The following NIPBL variants were observed in gnomAD, a reference collection of about 807,000 sequenced individuals.
The protein encoded by NIPBL is NIPBL cohesin loading factor.
NIPBL carries 19 observed loss-of-function variants against 321.8 expected under a neutral mutation model. The observed-to-expected ratio is 0.06, with a 90% CI of 0.04 to 0.09. The LOEUF (loss-of-function observed/expected upper bound fraction) is 0.09, where lower values mean the gene tolerates loss of function less well. Among genes scored for constraint, NIPBL ranks in the 10% least tolerant of loss-of-function variants. NIPBL has a pLI of 1.00. For missense variants in NIPBL, 2,210 were observed against 3,327.0 expected, an observed-to-expected ratio of 0.66 and a Z score of 8.26; for synonymous variants, 1,106 against 1,114.1, an observed-to-expected ratio of 0.99 and a Z score of 0.14.
At chr5:36,977,586 G>GT (rs34041883) in intron 9 of NIPBL, among the ~76,000 whole-genome samples, 21,611 of 148,094 alleles carry the variant, frequency 0.15, 1,727 homozygotes, top group East Asian at 0.28. Flanking sequence ...AGGGAGCTGG[G>GT]TTTTTTTTTC....
intron 27 of NIPBL, among the ~76,000 whole-genome samples, chr5:37,021,779 A>G (rs1749675096): frequency 6.6e-6 from 1 of 152,240 alleles, no homozygotes; most frequent in Non-Finnish European, 1.5e-5. Context: ...CAAGGTTTTA[A>G]TGGGGCTACA....
intron 21 of NIPBL, 152 bp from the exon 22 acceptor site, chr5:37,014,531 C>G: frequency 1.9e-6 from 1 of 539,076 alleles, no homozygotes; most frequent in Non-Finnish European, 3.3e-6. Flanking sequence ...GCTTAGTGTG[C>G]TAATTTTGGC....
intron 1 of NIPBL, among the ~76,000 whole-genome samples, chr5:36,904,401 G>A (rs1428845988): frequency 3.9e-5 from 6 of 152,178 alleles, no homozygotes; most frequent in Non-Finnish European, 7.3e-5. Flanking sequence ...CCCGGGAGGC[G>A]GAGGTTGCAG....
intron 10 of NIPBL, among the ~76,000 whole-genome samples, chr5:36,987,630 A>T (rs1250554379): frequency 6.6e-6 from 1 of 151,522 alleles, no homozygotes; most frequent in African/African-American, 2.4e-5. Flanking sequence ...CTTCGTCAAC[A>T]TTCATTTTTT....
At chr5:37,046,257 A>C in intron 38 of NIPBL, 58 bp downstream of exon 38, 1 of 910,840 alleles carries the variant, frequency 1.1e-6, no homozygotes, top group Non-Finnish European at 1.8e-6. Flanking sequence ...GCATATTTTT[A>C]AATATTGTGA....
chr5:37,021,772 G>A (rs1220245996), intron 27 of NIPBL, among the ~76,000 whole-genome samples: 5 of 152,166 alleles, frequency 3.3e-5, no homozygotes, highest in Non-Finnish European at 5.9e-5. Context: ...CACATAGCAA[G>A]GTTTTAATGG....
chr5:36,907,427 C>T (rs1029741304), intron 1 of NIPBL, among the ~76,000 whole-genome samples: 12 of 151,914 alleles, frequency 7.9e-5, no homozygotes, highest in African/African-American at 2.4e-4. Context: ...ATAAAAGTTA[C>T]GTAGATACCA....
rs752690806 is a variant in NIPBL at position 36,975,983 on chromosome 5, C to A, written c.1076C>A (p.Thr359Lys). ...SSPSKDSTKL[T>K]LRLSRVRSSD... ...CCATCCAAGGACTCTACTAAACTTA[C>A]ATTAAGACTTTCTCGTGTAAGGTCT... is the stretch of plus-strand genomic sequence containing the variant. The change falls in exon 9 of 47, where the codon ACA (threonine) becomes AAA (lysine). Residue 359 changes from threonine to lysine, a missense_variant. By Grantham distance (78) the Thr-to-Lys change is moderately conservative. Around this residue, in one of 14 missense-constraint regions of NIPBL, gnomAD observed 464 missense variants for 529.5 expected, o/e 0.88. Coordinates refer to ENST00000282516, the MANE Select transcript of NIPBL (RefSeq NM_133433.4). The A allele has an allele frequency of 4.3e-6, 7 of 1,613,926 alleles. No homozygotes were observed. The highest frequency in any genetic ancestry group is 3.4e-6 in the Non-Finnish European group (4 of 1,179,942).
intron 1 of NIPBL, among the ~76,000 whole-genome samples, chr5:36,928,241 C>T (rs1175931495): frequency 1.3e-5 from 2 of 152,078 alleles, no homozygotes; most frequent in South Asian, 2.1e-4. Flanking sequence ...TAACTGTCAT[C>T]CTAGGGTAAG....
chr5:36,973,226 A>G (rs1296452815), intron 8 of NIPBL, among the ~76,000 whole-genome samples: 1 of 152,156 alleles, frequency 6.6e-6, no homozygotes, highest in Non-Finnish European at 1.5e-5. Context: ...AATTATAGCC[A>G]TCTGAAACAT....
At chr5:37,028,090 A>C (rs185501286) in intron 32 of NIPBL, among the ~76,000 whole-genome samples, 1 of 152,080 alleles carries the variant, frequency 6.6e-6, no homozygotes, top group Admixed American at 6.5e-5. Flanking sequence ...TATGTTATGC[A>C]TAGAATTTCC....
At chr5:37,037,647 T>C (rs999465122) in intron 33 of NIPBL, among the ~76,000 whole-genome samples, 7 of 149,382 alleles carry the variant, frequency 4.7e-5, no homozygotes, top group Non-Finnish European at 8.9e-5. Context: ...TTTTTTTCCA[T>C]GTGTACCTCT....
intron 1 of NIPBL, among the ~76,000 whole-genome samples, chr5:36,883,370 A>G (rs1745646619): frequency 6.6e-6 from 1 of 151,840 alleles, no homozygotes; most frequent in South Asian, 2.1e-4. Context: ...AAATAATTAT[A>G]TATATACTTT....
intron 1 of NIPBL, among the ~76,000 whole-genome samples, chr5:36,940,288 T>A (rs1738915873): frequency 6.6e-6 from 1 of 152,176 alleles, no homozygotes; most frequent in African/African-American, 2.4e-5. Flanking sequence ...GTTTATTAAC[T>A]AAGATATGTA....
intron 1 of NIPBL, among the ~76,000 whole-genome samples, chr5:36,892,948 A>G (rs1019755029): frequency 6.6e-6 from 1 of 152,226 alleles, no homozygotes; most frequent in South Asian, 2.1e-4. Context: ...ATAATAATAA[A>G]AAAGTAGCAT....
At chr5:36,916,673 C>T (rs1748483863) in intron 1 of NIPBL, among the ~76,000 whole-genome samples, 1 of 151,950 alleles carries the variant, frequency 6.6e-6, no homozygotes, top group Non-Finnish European at 1.5e-5. Flanking sequence ...ACAACAGGCC[C>T]CAGTGTGTGA....
rs372949399 is a variant in NIPBL, at chr5:37,033,685, T to TACACACACAC, written c.5863-2682_5863-2673dup. On this transcript the variant is annotated intron_variant, in intron 32 of 46. Coordinates refer to ENST00000282516, the MANE Select transcript of NIPBL (RefSeq NM_133433.4). The stretch of plus-strand genomic sequence containing the variant: ...TTACATATGTGTGTGTATATGTACA[T>TACACACACAC]ACACACACACACACACACACATATA... Among the ~76,000 whole-genome samples the TACACACACAC allele has an allele frequency of 3.7e-3, 238 of 64,702 alleles. 3 individuals carry two copies. Among genetic ancestry groups the TACACACACAC allele is most frequent in the African/African-American group, 0.013 (147 of 11,180 alleles). 42.4% of individuals were successfully genotyped at this position (64,702 alleles called of 152,430 possible). A position where few individuals can be genotyped will look rare whatever the true frequency, so the allele number is the denominator to read the frequency against.
At chr5:36,898,489 C>G (rs896434893) in intron 1 of NIPBL, among the ~76,000 whole-genome samples, 7 of 150,446 alleles carry the variant, frequency 4.7e-5, no homozygotes, top group Admixed American at 4.6e-4. Context: ...AAGAAGAAAT[C>G]AAACCTATGT....
intron 6 of NIPBL, among the ~76,000 whole-genome samples, chr5:36,963,810 GA>G (rs1373071662): frequency 6.6e-6 from 1 of 152,020 alleles, no homozygotes; most frequent in African/African-American, 2.4e-5. Flanking sequence ...TAGACACTTA[GA>G]AAATTACTGA....
Sources: allele counts gnomAD v4.1 joint callset (sites outside exome capture counted in the v4.1 genomes callset), GRCh38; gene constraint gnomAD v4.1.1; regional missense constraint gnomAD v4.1.1; transcripts MANE v1.5; gene names NCBI Gene and HGNC (gene_info 2026-07-23, HGNC 2026-07-21).